The following PRMT8 variants were observed in gnomAD, a reference collection of about 807,000 sequenced individuals.
PRMT8 encodes the protein protein arginine methyltransferase 8, also known as protein arginine N-methyltransferase 8.
A neutral mutation model predicts 47.1 loss-of-function variants in PRMT8; 7 were observed. The observed-to-expected ratio is 0.15, with a 90% CI of 0.08 to 0.28. The LOEUF is 0.28. PRMT8 is among the 10% of genes least tolerant of loss of function. PRMT8 has a pLI of 1.00. For synonymous variants in PRMT8, 188 were observed against 186.5 expected (o/e 1.01, Z -0.07); for missense variants, 237 against 505.4 (o/e 0.47, Z 5.09).
intron 1 of PRMT8, among the ~76,000 whole-genome samples, chr12:3,451,669 G>T (rs1316962433): frequency 1.3e-5 from 2 of 152,162 alleles, no homozygotes; most frequent in Non-Finnish European, 2.9e-5. Context: ...GAGTTGGTTA[G>T]CCGAGAGAGC....
chr12:3,420,336 G>A (rs1864528380), intron 1 of PRMT8, among the ~76,000 whole-genome samples: 1 of 152,178 alleles, frequency 6.6e-6, no homozygotes, highest in African/African-American at 2.4e-5. Flanking sequence ...ATGGGCCTCA[G>A]TTTCCTCATC....
At chr12:3,447,605 C>T (rs538923033) in intron 1 of PRMT8, among the ~76,000 whole-genome samples, 2 of 152,268 alleles carry the variant, frequency 1.3e-5, no homozygotes, top group East Asian at 1.9e-4. Flanking sequence ...TAACCCAAGC[C>T]CCTGCCCACT....
chr12:3,394,422 G>T (rs1270217100), intron 1 of PRMT8, among the ~76,000 whole-genome samples: 2 of 151,918 alleles, frequency 1.3e-5, no homozygotes, highest in Admixed American at 6.6e-5. Flanking sequence ...TAGCATGAAG[G>T]GTTGTTGAAT....
chr12:3,590,497 T>C lies in PRMT8; in HGVS notation c.980-1734T>C, dbSNP rs150215710. Reference sequence around the variant, plus strand: ...AAATTAAAAATCTGCCTTCTAATCATGCCTAGTGACTAGCCTTTGTTCTGC... The same window carrying C: ...AAATTAAAAATCTGCCTTCTAATCACGCCTAGTGACTAGCCTTTGTTCTGC... On this transcript the variant is annotated intron_variant, in intron 8 of 9. Coordinates refer to ENST00000382622, the MANE Select transcript of PRMT8 (RefSeq NM_019854.5). Among the ~76,000 whole-genome samples the C allele has an allele frequency of 5.5e-3, 844 of 152,280 alleles. 3 individuals carry two copies. Among genetic ancestry groups the C allele is most frequent in the African/African-American group, 0.019 (781 of 41,552 alleles).
intron 1 of PRMT8, among the ~76,000 whole-genome samples, chr12:3,396,135 C>T (rs1340756174): frequency 1.3e-5 from 2 of 152,188 alleles, no homozygotes; most frequent in South Asian, 2.1e-4. Flanking sequence ...TTCCTGAGTA[C>T]AGCACACTGA....
intron 4 of PRMT8, among the ~76,000 whole-genome samples, chr12:3,553,919 C>G (rs1173847219): frequency 2.6e-5 from 4 of 152,192 alleles, no homozygotes; most frequent in African/African-American, 4.8e-5. Flanking sequence ...ACAGCCACCC[C>G]CTCTCCGCTT....
At chr12:3,549,801 C>T in intron 2 of PRMT8, 135 bp from the exon 3 acceptor site, 1 of 967,846 alleles carries the variant, frequency 1.0e-6, no homozygotes, top group Non-Finnish European at 1.6e-6. Flanking sequence ...CCAGTTTTGT[C>T]CTCTGTGGCT....
Position 3,517,159 on chromosome 12 carries a change from G to T in PRMT8, c.76-23447G>T, listed in dbSNP as rs140302482. ...GGACCTGTGCACCAGGGGATCAGTT[G>T]CTTGTTGAAACTGTTCTGGGTGTGC... On this transcript the variant is annotated intron_variant, in intron 1 of 9. Transcript: ENST00000382622. Among the ~76,000 whole-genome samples the T allele has an allele frequency of 7.4e-3, 1,123 of 152,304 alleles. 11 individuals carry two copies. The highest frequency in any genetic ancestry group is 0.026 in the African/African-American group (1,060 of 41,552).
Position 3,583,096 on chromosome 12 carries a change from G to A in PRMT8, c.867G>A (p.Ser289=), listed in dbSNP as rs760968981. Residue 289 remains serine (S), a synonymous_variant, in exon 8 of 10, where the codon TCG becomes TCA. Transcript: ENST00000382622. This position sits in a 1 kb window ranked among gnomAD's most constrained non-coding sequence, Gnocchi z 4.7. The stretch of plus-strand genomic sequence containing the variant: ...ACACAGTGAAGACGGAAGAGCTATC[G>A]TTCACATCTGCATTCTGCCTGCAGA... The part of the protein sequence containing the change: ...DIYTVKTEEL[S]FTSAFCLQIQ... The A allele has an allele frequency of 2.9e-5, 47 of 1,613,950 alleles. No homozygotes were observed. Among genetic ancestry groups the A allele is most frequent in the South Asian group, 9.9e-5 (9 of 91,064 alleles).
intron 1 of PRMT8, among the ~76,000 whole-genome samples, chr12:3,461,206 A>G (rs1327579116): frequency 2.0e-5 from 3 of 152,198 alleles, no homozygotes; most frequent in African/African-American, 7.2e-5. Flanking sequence ...GAGATGCACA[A>G]CCTAATTCTA....
chr12:3,457,591 G>A (rs1050305003), intron 1 of PRMT8, among the ~76,000 whole-genome samples: 5 of 152,164 alleles, frequency 3.3e-5, no homozygotes, highest in Middle Eastern at 3.2e-3. Flanking sequence ...TTGCAGGCGT[G>A]AGCCACCATG....
chr12:3,576,810 A>C lies in PRMT8; in HGVS notation c.713-61A>C, dbSNP rs1163231494. On this transcript the variant is annotated intron_variant, in intron 6 of 9. Coordinates refer to ENST00000382622, the MANE Select transcript of PRMT8 (RefSeq NM_019854.5). This position sits in a 1 kb window ranked among gnomAD's most constrained non-coding sequence, Gnocchi z 4.0. Reference sequence around the variant, plus strand: ...GGCACGCTGTGCTCTAGGACTCAGGAGGGTTGGGTGAGCTTCTGGGGGTCC... The same window carrying C: ...GGCACGCTGTGCTCTAGGACTCAGGCGGGTTGGGTGAGCTTCTGGGGGTCC... 5 of 1,331,984 alleles carry C rather than the reference A, an allele frequency of 3.8e-6. No individual in the cohort carries two copies. In the African/African-American group the frequency reaches 7.2e-5, roughly 19 times the overall value. The allele number at this position is 1,331,984 out of a possible 1,614,324, so 82.5% of individuals were successfully genotyped here. A position where few individuals can be genotyped will look rare whatever the true frequency, so the allele number is the denominator to read the frequency against.
intron 1 of PRMT8, among the ~76,000 whole-genome samples, chr12:3,435,963 A>G (rs1047521450): frequency 6.6e-6 from 1 of 152,170 alleles, no homozygotes; most frequent in African/African-American, 2.4e-5. Flanking sequence ...CCGTGTCCGC[A>G]AGGAAACTGA....
chr12:3,391,253 A>G (rs2137045654), intron 1 of PRMT8, among the ~76,000 whole-genome samples: 1 of 152,356 alleles, frequency 6.6e-6, no homozygotes, highest in Non-Finnish European at 1.5e-5. Flanking sequence ...GGAGGGGAAA[A>G]CCATGAGCAA....
chr12:3,415,366 G>A (rs1864473485), intron 1 of PRMT8, among the ~76,000 whole-genome samples: 1 of 152,094 alleles, frequency 6.6e-6, no homozygotes, highest in Non-Finnish European at 1.5e-5. Flanking sequence ...TGATTAACTA[G>A]ATCATTGGCC....
In PRMT8 at chr12:3,457,105, T is replaced by C. The variant is rs11062655; in HGVS notation, c.48+75663T>C. On this transcript the variant is annotated intron_variant, in intron 1 of 9. Transcript: ENST00000452611. ...TTGTTTTGTTTGCAGAGGAGGCATCTCCTAAAGGGGAGGTGCTGTTTGGTG... is the reference window on the plus strand; with the variant it reads ...TTGTTTTGTTTGCAGAGGAGGCATCCCCTAAAGGGGAGGTGCTGTTTGGTG... Among the ~76,000 whole-genome samples the C allele has an allele frequency of 8.8e-3, 1,343 of 152,226 alleles. 20 individuals carry two copies. Among genetic ancestry groups the C allele is most frequent in the African/African-American group, 0.031 (1,272 of 41,532 alleles).
At chr12:3,558,980 ATCTATCTATCTG>A (rs891894891) in intron 4 of PRMT8, among the ~76,000 whole-genome samples, 8 of 149,398 alleles carry the variant, frequency 5.4e-5, no homozygotes, top group African/African-American at 1.5e-4. Context: ...CTATCTATCT[ATCTATCTATCTG>A]TCTATCTATC....
intron 8 of PRMT8, among the ~76,000 whole-genome samples, chr12:3,585,532 A>AT (rs5796061): frequency 0.77 from 108,203 of 140,378 alleles, 42,274 homozygotes; most frequent in African/African-American, 0.93. Context: ...ATACTTTTTA[A>AT]TTTTTTTTTT....
At chr12:3,401,080 GA>G (rs1864310289) in intron 1 of PRMT8, among the ~76,000 whole-genome samples, 1 of 147,388 alleles carries the variant, frequency 6.8e-6, no homozygotes, top group Admixed American at 6.9e-5. Context: ...CTGGGAGGTG[GA>G]GGTTGTGGTG....
Sources: allele counts gnomAD v4.1 joint callset (sites outside exome capture counted in the v4.1 genomes callset), GRCh38; gene constraint gnomAD v4.1.1; non-coding constraint Gnocchi (gnomAD v3.1); transcripts MANE v1.5; gene names NCBI Gene and HGNC (gene_info 2026-07-23, HGNC 2026-07-21).